IL12RB2: variants seen among roughly 807,000 people sequenced by gnomAD.
IL12RB2 encodes the protein interleukin 12 receptor subunit beta 2.
IL12RB2 carries 82 observed loss-of-function variants against 89.4 expected under a neutral mutation model. The ratio of observed to expected loss-of-function variants is 0.92; its 90% confidence interval spans 0.77 to 1.10. IL12RB2 has a LOEUF of 1.10. IL12RB2 is among the 50% of genes least tolerant of loss of function. The probability of loss-of-function intolerance (pLI) is 0.00; values close to 1 mark genes in which losing one functional copy is unlikely to be tolerated. For missense variants in IL12RB2, 963 were observed against 1,031.9 expected, an observed-to-expected ratio of 0.93 and a Z score of 0.92; for synonymous variants, 368 against 370.1, an observed-to-expected ratio of 0.99 and a Z score of 0.07.
chr1:67,320,700 ATACATGTTT>A (rs2100589913), intron 3 of IL12RB2, among the ~76,000 whole-genome samples: 1 of 152,280 alleles, frequency 6.6e-6, no homozygotes, highest in South Asian at 2.1e-4. Flanking sequence ...GGCATCACAA[ATACATGTTT>A]TACATTTCAG....
intron 9 of IL12RB2, among the ~76,000 whole-genome samples, chr1:67,348,980 G>A (rs1660532673): frequency 6.6e-6 from 1 of 152,094 alleles, no homozygotes; most frequent in African/African-American, 2.4e-5. Flanking sequence ...GGATGCGAAG[G>A]GGAAAATGTA....
chr1:67,327,567 C>T (rs2100654265), intron 5 of IL12RB2, among the ~76,000 whole-genome samples: 1 of 152,220 alleles, frequency 6.6e-6, no homozygotes, highest in Middle Eastern at 3.4e-3. Flanking sequence ...TTCCCATTCG[C>T]TTGGATAAGT....
At chr1:67,330,572 T>TA in intron 7 of IL12RB2, 88 bp from the exon 8 acceptor site, 1 of 634,534 alleles carries the variant, frequency 1.6e-6, no homozygotes, top group Non-Finnish European at 2.8e-6. Flanking sequence ...TCAAATAGCC[T>TA]GGGTTTTTTT....
At chr1:67,319,858 A>G (rs1292903414) in intron 2 of IL12RB2, among the ~76,000 whole-genome samples, 1 of 152,128 alleles carries the variant, frequency 6.6e-6, no homozygotes, top group Non-Finnish European at 1.5e-5. Flanking sequence ...TACGAATGGA[A>G]CTAGTGACCT....
At chr1:67,365,249 A>C (rs2100963329) in intron 10 of IL12RB2, among the ~76,000 whole-genome samples, 1 of 152,322 alleles carries the variant, frequency 6.6e-6, no homozygotes, top group Non-Finnish European at 1.5e-5. Flanking sequence ...CTAAAGGAAA[A>C]ATGGATCAAA....
rs200950626 is a variant in IL12RB2 at position 67,328,434 on chromosome 1, T to C, written c.664+50T>C. The C allele has an allele frequency of 1.4e-5, 23 of 1,609,992 alleles. No homozygotes were observed. The East Asian group carries it at 4.5e-4, about 31-fold the overall frequency. ...TGGTACTTTATAATTATTTTTAAAATCACTCAAATCTTTTTTATATGGTTG... is the reference window on the plus strand; with the variant it reads ...TGGTACTTTATAATTATTTTTAAAACCACTCAAATCTTTTTTATATGGTTG... On this transcript the variant is annotated intron_variant, in intron 6 of 16. Coordinates refer to ENST00000674203, the MANE Select transcript of IL12RB2 (RefSeq NM_001374259.2).
Position 67,396,089 on chromosome 1 carries a change from A to G in IL12RB2, c.2589A>G (p.Ter863TrpextTer41), listed in dbSNP as rs779087488. 1 of 1,573,040 alleles carries G rather than the reference A, an allele frequency of 6.4e-7. No individual in the cohort carries two copies. The highest frequency in any genetic ancestry group is 1.1e-5 in the South Asian group (1 of 90,264). Residue 863 changes from the stop codon to tryptophan (W), a stop_lost, in exon 17 of 17, where the codon TGA becomes TGG. Transcript: ENST00000674203. ...TGAGGTGTGACTCCCTCATGCTCTG[A>G]GTGGTGAGGCTTCAAGCCTTAAAGT... ...LKMRCDSLML[*>W] is the part of the protein sequence containing the mutation.
Position 67,320,388 on chromosome 1 carries a change from G to C in IL12RB2, c.20G>C (p.Gly7Ala), listed in dbSNP as rs377760859. The C allele has an allele frequency of 3.7e-6, 6 of 1,613,852 alleles. No homozygotes were observed. The African/African-American group carries it at 8.0e-5, about 22-fold the overall frequency. ...TTGTTGATGGCACATACTTTTAGAGGATGCTCATTGGCATTTATGTTTATA... is the reference window on the plus strand; with the variant it reads ...TTGTTGATGGCACATACTTTTAGAGCATGCTCATTGGCATTTATGTTTATA... The part of the protein sequence containing the change: MAHTFR[G>A]CSLAFMFIIT... The change falls in exon 3 of 17, where the codon GGA becomes GCA. Residue 7 changes from glycine (G) to alanine (A), a missense_variant. Gly to Ala is a moderately conservative substitution (Grantham distance 60). Coordinates refer to ENST00000674203, the MANE Select transcript of IL12RB2 (RefSeq NM_001374259.2).
At chr1:67,384,177 C>A (rs1557473024) in intron 14 of IL12RB2, among the ~76,000 whole-genome samples, 1 of 152,248 alleles carries the variant, frequency 6.6e-6, no homozygotes. Flanking sequence ...GGCTCCGCCC[C>A]TGCAGCAAAC....
chr1:67,313,843 G>C (rs557579827), intron 1 of IL12RB2, 70 bp from the exon 2 acceptor site: 1 of 152,108 alleles, frequency 6.6e-6, no homozygotes, highest in Non-Finnish European at 1.5e-5. Context: ...GAGAGAGAGA[G>C]AGAGACTGAG....
intron 6 of IL12RB2, 123 bp from the exon 7 acceptor site, chr1:67,329,464 A>G (rs1657765911): frequency 1.3e-6 from 1 of 744,488 alleles, no homozygotes; most frequent in Non-Finnish European, 2.5e-6. Flanking sequence ...TATTTTACCA[A>G]ATTTGATGGT....
chr1:67,379,051 G>A (rs1276697535), intron 13 of IL12RB2, among the ~76,000 whole-genome samples: 1 of 151,000 alleles, frequency 6.6e-6, no homozygotes, highest in Non-Finnish European at 1.5e-5. Flanking sequence ...ACAAAAATTA[G>A]CCAGGCATGG....
At position 67,386,683 on chromosome 1, in the gene IL12RB2, A is replaced by G. The variant is rs757345612; in HGVS notation, c.1946+14A>G. On this transcript the variant is annotated intron_variant, in intron 15 of 16. Coordinates refer to ENST00000674203, the MANE Select transcript of IL12RB2 (RefSeq NM_001374259.2). ...CTTCCAGCAAAAGTGAGTTGGTTAC[A>G]CCTACCAAGTGGGTAAATGAGGCTT... The G allele has an allele frequency of 6.5e-7, 1 of 1,536,002 alleles. No homozygotes were observed. Among genetic ancestry groups the G allele is most frequent in the Non-Finnish European group, 9.0e-7 (1 of 1,108,234 alleles).
At chr1:67,387,478 G>C (rs970603969) in intron 15 of IL12RB2, among the ~76,000 whole-genome samples, 2 of 149,022 alleles carry the variant, frequency 1.3e-5, no homozygotes, top group Non-Finnish European at 3.0e-5. Context: ...TGAGGCGGGC[G>C]GATCACCAGG....
chr1:67,325,076 T>C (rs771661733), intron 4 of IL12RB2, among the ~76,000 whole-genome samples: 1 of 152,254 alleles, frequency 6.6e-6, no homozygotes, highest in Non-Finnish European at 1.5e-5. Context: ...TCATCCATTA[T>C]ATGAGGTTAA....
chr1:67,330,711 T>C lies in IL12RB2; in HGVS notation c.859T>C (p.Phe287Leu), dbSNP rs751032676. The change falls in exon 8 of 17, where the codon TTT (phenylalanine) becomes CTT (leucine). Residue 287 changes from phenylalanine to leucine, a missense_variant. Coordinates refer to ENST00000674203, the MANE Select transcript of IL12RB2 (RefSeq NM_001374259.2). Reference protein sequence around the residue: ...GRHDLLDLKPFTEYEFQISSK... With the variant: ...GRHDLLDLKPLTEYEFQISSK... ...ACATGATTTGCTGGATCTGAAACCA[T>C]TTACAGAATATGAATTTCAGATTTC... 21 of 1,533,960 alleles carry C rather than the reference T, an allele frequency of 1.4e-5. No homozygotes were observed. Among genetic ancestry groups the C allele is most frequent in the South Asian group, 2.2e-5 (2 of 89,422 alleles).
rs542740229 is a variant in IL12RB2, at chr1:67,368,827, C to T, written c.1459+802C>T. On this transcript the variant is annotated intron_variant, in intron 11 of 16. Coordinates refer to ENST00000674203, the MANE Select transcript of IL12RB2 (RefSeq NM_001374259.2). ...ATGAGGATAATAATATTACCTACCT[C>T]GTTGGGTTATTGTGAAGACTAGCTG... Among the ~76,000 whole-genome samples, 4 of 152,226 alleles carry T rather than the reference C, an allele frequency of 2.6e-5. No homozygotes were observed. In the South Asian group the frequency reaches 8.3e-4, roughly 32 times the overall value.
intron 2 of IL12RB2, among the ~76,000 whole-genome samples, chr1:67,314,253 T>C (rs771343411): frequency 1.3e-5 from 2 of 152,158 alleles, no homozygotes; most frequent in Non-Finnish European, 2.9e-5. Flanking sequence ...GTCTTAGGAA[T>C]TAAGATTTTT....
intron 6 of IL12RB2, among the ~76,000 whole-genome samples, chr1:67,328,780 G>A (rs548884361): frequency 6.6e-6 from 1 of 152,314 alleles, no homozygotes; most frequent in South Asian, 2.1e-4. Context: ...TAGGCTACAT[G>A]TGGGCCTGCT....
Sources: allele counts gnomAD v4.1 joint callset (sites outside exome capture counted in the v4.1 genomes callset), GRCh38; gene constraint gnomAD v4.1.1; transcripts MANE v1.5; gene names NCBI Gene and HGNC (gene_info 2026-07-23, HGNC 2026-07-21).